SPATA13: variants seen among roughly 807,000 people sequenced by gnomAD.
SPATA13 encodes the protein spermatogenesis-associated protein 13.
A neutral mutation model predicts 104.0 loss-of-function variants in SPATA13; 50 were observed. The ratio of observed to expected loss-of-function variants is 0.48; its 90% CI spans 0.38 to 0.61. The LOEUF is 0.61. Ranked by LOEUF, SPATA13 falls within the 20% of genes least tolerant of loss-of-function variation. The probability of loss-of-function intolerance (pLI) is 0.00; values close to 1 mark genes in which losing one functional copy is unlikely to be tolerated. For missense variants in SPATA13, 1,524 were observed against 1,690.6 expected, an observed-to-expected ratio of 0.90 and a Z score of 1.73; for synonymous variants, 606 against 667.5, an observed-to-expected ratio of 0.91 and a Z score of 1.42.
intron 3 of SPATA13, among the ~76,000 whole-genome samples, chr13:24,067,539 A>G (rs1230304673): frequency 2.6e-5 from 4 of 152,228 alleles, no homozygotes; most frequent in Non-Finnish European, 5.9e-5. Context: ...ATTCACAGTG[A>G]TAGAGCTGTA....
At chr13:24,021,970 C>A (rs1430880776) in intron 3 of SPATA13, among the ~76,000 whole-genome samples, 1 of 151,948 alleles carries the variant, frequency 6.6e-6, no homozygotes, top group Non-Finnish European at 1.5e-5. Flanking sequence ...CTCGGCCTCC[C>A]AAAGTGCTGG....
In SPATA13 at chr13:24,182,604, G is replaced by A. The variant is rs138330078; in HGVS notation, c.-112+21672G>A. Among the ~76,000 whole-genome samples the A allele has an allele frequency of 8.5e-5, 13 of 152,270 alleles. No homozygotes were observed. The East Asian group carries it at 2.5e-3, about 29-fold the overall frequency. On this transcript the variant is annotated intron_variant, in intron 1 of 12. Coordinates refer to ENST00000382108, the MANE Select transcript of SPATA13 (RefSeq NM_001166271.3). ...TTACCCTGGTGAGGGCACCAGGCCA[G>A]TCCTGAAGGAGCCATCCCCATGACC...
intron 3 of SPATA13, among the ~76,000 whole-genome samples, chr13:24,029,071 T>C (rs1246097073): frequency 1.3e-5 from 2 of 152,168 alleles, no homozygotes; most frequent in Non-Finnish European, 2.9e-5. Flanking sequence ...AAACCTTTAT[T>C]TTTAATTATC....
At chr13:24,002,024 GCACTGTGAGC>G (rs1480289339) in intron 2 of SPATA13, among the ~76,000 whole-genome samples, 3 of 152,096 alleles carry the variant, frequency 2.0e-5, no homozygotes, top group African/African-American at 7.2e-5. Flanking sequence ...GGTGGATGGT[GCACTGTGAGC>G]CACATGTCAA....
At chr13:24,137,859 C>T (rs977319622) in intron 3 of SPATA13, among the ~76,000 whole-genome samples, 7 of 152,088 alleles carry the variant, frequency 4.6e-5, no homozygotes, top group African/African-American at 1.7e-4. Context: ...GACATAAGAC[C>T]AAGGAGAGTC....
chr13:24,142,878 A>C (rs1881808173), intron 3 of SPATA13, among the ~76,000 whole-genome samples: 1 of 152,174 alleles, frequency 6.6e-6, no homozygotes, highest in Admixed American at 6.5e-5. Flanking sequence ...AGCCCGAGGA[A>C]AGACTGGGCT....
chr13:24,238,012 A>G (rs1223780202), intron 2 of SPATA13, among the ~76,000 whole-genome samples: 1 of 148,114 alleles, frequency 6.8e-6, no homozygotes, highest in Admixed American at 6.8e-5. Context: ...ATAAATATAT[A>G]TATTTTACCA....
intron 2 of SPATA13, among the ~76,000 whole-genome samples, chr13:24,245,656 ATCATGGC>A (rs1466447925): frequency 7.0e-6 from 1 of 142,706 alleles, no homozygotes; most frequent in Non-Finnish European, 1.5e-5. Context: ...CAGTAGTGCA[ATCATGGC>A]TCACTGCAGC....
intron 1 of SPATA13, among the ~76,000 whole-genome samples, chr13:24,197,957 T>G (rs1376701752): frequency 6.6e-6 from 1 of 152,080 alleles, no homozygotes; most frequent in East Asian, 1.9e-4. Context: ...TTCTTCCAAC[T>G]CCTCACTTTC....
At chr13:24,049,242 G>A (rs945399107) in intron 3 of SPATA13, among the ~76,000 whole-genome samples, 20 of 152,222 alleles carry the variant, frequency 1.3e-4, no homozygotes, top group African/African-American at 4.6e-4. Context: ...CTGATGCCTC[G>A]CCTACAGGAC....
intron 3 of SPATA13, among the ~76,000 whole-genome samples, chr13:24,057,044 C>T (rs1399853764): frequency 7.2e-6 from 1 of 139,672 alleles, no homozygotes; most frequent in South Asian, 2.4e-4. Context: ...TCTTTCATAG[C>T]GTCTGGCTCT....
chr13:24,148,738 A>G (rs1882010713), intron 3 of SPATA13, among the ~76,000 whole-genome samples: 1 of 152,170 alleles, frequency 6.6e-6, no homozygotes, highest in African/African-American at 2.4e-5. Flanking sequence ...TGGACCAAAC[A>G]CATCAGACAA....
chr13:24,213,939 A>G (rs954581020), intron 1 of SPATA13, among the ~76,000 whole-genome samples: 2 of 152,268 alleles, frequency 1.3e-5, no homozygotes, highest in Non-Finnish European at 2.9e-5. Context: ...ATCTGAAGGC[A>G]TGTATGATCC....
intron 3 of SPATA13, among the ~76,000 whole-genome samples, chr13:24,095,669 C>T (rs1360595120): frequency 6.6e-6 from 1 of 152,152 alleles, no homozygotes. Context: ...AATCTACAGA[C>T]TTCTCTTCTA....
chr13:24,113,828 C>T (rs1024242936), intron 3 of SPATA13, among the ~76,000 whole-genome samples: 17 of 145,372 alleles, frequency 1.2e-4, no homozygotes, highest in Admixed American at 3.5e-4. Flanking sequence ...CGAGATTGCA[C>T]CACTACACTC....
chr13:24,270,572 T>C (rs1593479788), intron 4 of SPATA13: 7 of 506,576 alleles, frequency 1.4e-5, no homozygotes, highest in Non-Finnish European at 2.5e-5. Flanking sequence ...CTTGTGAGTG[T>C]GTTTGTCTTT....
At chr13:24,164,326 C>G (rs1304281312) in intron 1 of SPATA13, among the ~76,000 whole-genome samples, 1 of 152,242 alleles carries the variant, frequency 6.6e-6, no homozygotes, top group African/African-American at 2.4e-5. Context: ...CCCCCTTGCT[C>G]CTGCCTCTGC....
intron 3 of SPATA13, among the ~76,000 whole-genome samples, chr13:24,103,169 T>A (rs1014755311): frequency 6.6e-6 from 1 of 152,042 alleles, no homozygotes; most frequent in Non-Finnish European, 1.5e-5. Context: ...TCTGAATACG[T>A]CAAAATGGGA....
intron 2 of SPATA13, among the ~76,000 whole-genome samples, chr13:24,013,124 G>T (rs1225677164): frequency 6.6e-6 from 1 of 152,214 alleles, no homozygotes; most frequent in Non-Finnish European, 1.5e-5. Flanking sequence ...GGCAACCTGT[G>T]CAGACATGGA....
Sources: allele counts gnomAD v4.1 joint callset (sites outside exome capture counted in the v4.1 genomes callset), GRCh38; gene constraint gnomAD v4.1.1; transcripts MANE v1.5; gene names NCBI Gene and HGNC (gene_info 2026-07-23, HGNC 2026-07-21).